Variants in PMP22 observed in about 807,000 individuals in gnomAD.
PMP22 encodes Charcot-Marie-Tooth neuropathy 1A (greatly reduced nerve conduction velocity, hereditary motor sensory neuropathy Ia).
A neutral mutation model predicts 18.9 loss-of-function variants in PMP22; 2 were observed. The observed-to-expected ratio is 0.11, with a 90% CI of 0.04 to 0.33. PMP22 has a LOEUF of 0.33. PMP22 is among the 10% of genes least tolerant of loss of function. The pLI is 1.00. For missense variants in PMP22, 169 were observed against 202.2 expected, an observed-to-expected ratio of 0.84 and a Z score of 1.00; for synonymous variants, 95 against 89.2, an observed-to-expected ratio of 1.07 and a Z score of -0.37.
intron 3 of PMP22, among the ~76,000 whole-genome samples, chr17:15,245,969 C>T (rs1043177344): frequency 4.7e-4 from 71 of 150,890 alleles, no homozygotes; most frequent in African/African-American, 1.7e-3. Context: ...GCCGAGATCG[C>T]GCCACTGCGC....
intron 4 of PMP22, among the ~76,000 whole-genome samples, chr17:15,237,775 A>AT (rs1419528152): frequency 6.6e-6 from 1 of 152,150 alleles, no homozygotes; most frequent in Non-Finnish European, 1.5e-5. Flanking sequence ...ATAAAATGTA[A>AT]TTTTTTTCAC....
intron 3 of PMP22, among the ~76,000 whole-genome samples, chr17:15,246,828 T>C (rs1484981219): frequency 4.6e-5 from 7 of 152,098 alleles, no homozygotes; most frequent in Admixed American, 3.9e-4. Context: ...TCCCAGCACT[T>C]TGGGAGGCCA....
At chr17:15,238,352 C>T (rs1906986153) in intron 4 of PMP22, among the ~76,000 whole-genome samples, 1 of 152,162 alleles carries the variant, frequency 6.6e-6, no homozygotes, top group South Asian at 2.1e-4. Context: ...CCCATACAAC[C>T]CTATTTACGT....
chr17:15,257,089 G>A (rs1230242354), intron 3 of PMP22, among the ~76,000 whole-genome samples: 5 of 152,164 alleles, frequency 3.3e-5, no homozygotes, highest in East Asian at 1.9e-4. Context: ...GGAAAGCAAC[G>A]AGGCAGATTT....
Position 15,258,850 on chromosome 17 carries a change from C to A in PMP22, c.178+244G>T. The A allele has an allele frequency of 1.8e-6, 1 of 564,460 alleles. No individual in the cohort carries two copies. The allele number at this position is 564,460 out of a possible 1,614,324, so 35.0% of individuals were successfully genotyped here. A position where few individuals can be genotyped will look rare whatever the true frequency, so the allele number is the denominator to read the frequency against. On this transcript the variant is annotated intron_variant, in intron 3 of 4. Transcript: ENST00000312280. The surrounding 1 kb of genome is among the most constrained non-coding windows in gnomAD (Gnocchi z 4.1). ...CACAAAAAGCATTATCCTAAGTGAT[C>A]AGGAGGGCACTAAGGGCATGTCTCT...
At chr17:15,234,770 C>T (rs995952277) in intron 4 of PMP22, among the ~76,000 whole-genome samples, 1 of 151,678 alleles carries the variant, frequency 6.6e-6, no homozygotes, top group Non-Finnish European at 1.5e-5. Flanking sequence ...TCACTCTGAA[C>T]AGGATGGCAC....
At chr17:15,263,551 G>A (rs1909505711) in intron 1 of PMP22, among the ~76,000 whole-genome samples, 1 of 149,476 alleles carries the variant, frequency 6.7e-6, no homozygotes. Context: ...AAAGGTTTCT[G>A]CCTGAAAATG....
At chr17:15,262,144 G>T (rs886232610) in intron 1 of PMP22, among the ~76,000 whole-genome samples, 1 of 152,188 alleles carries the variant, frequency 6.6e-6, no homozygotes. Context: ...CAGAGTCAAC[G>T]CCTCTTCAGC....
chr17:15,247,238 G>A (rs868182812), intron 3 of PMP22, among the ~76,000 whole-genome samples: 8 of 151,726 alleles, frequency 5.3e-5, no homozygotes, highest in South Asian at 4.2e-4. Context: ...GCGTGGTGGC[G>A]GGCACCTGTA....
intron 3 of PMP22, among the ~76,000 whole-genome samples, chr17:15,240,528 C>G (rs1907234103): frequency 6.6e-6 from 1 of 151,754 alleles, no homozygotes; most frequent in African/African-American, 2.4e-5. Flanking sequence ...CTGTTGAACC[C>G]CAAATCTCCA....
chr17:15,234,709 G>A (rs16951239), intron 4 of PMP22, among the ~76,000 whole-genome samples: 27,657 of 151,988 alleles, frequency 0.18, 4,319 homozygotes, highest in African/African-American at 0.42. Flanking sequence ...ATAATCATCC[G>A]TCCCTAACAA....
intron 3 of PMP22, among the ~76,000 whole-genome samples, chr17:15,251,333 TG>T (rs1302103645): frequency 6.6e-6 from 1 of 152,120 alleles, no homozygotes; most frequent in Non-Finnish European, 1.5e-5. Context: ...GCATGTATTG[TG>T]TATTGCCTGT....
chr17:15,260,891 C>A (rs1444380969), intron 1 of PMP22, 130 bp from the exon 2 acceptor site: 12 of 640,288 alleles, frequency 1.9e-5, no homozygotes, highest in Non-Finnish European at 2.7e-5. Flanking sequence ...ACCGCCCGCG[C>A]GGGTCAGGAG....
At position 15,261,981 on chromosome 17, in the gene PMP22, A is replaced by T; in HGVS notation, c.-34-1220T>A. On this transcript the variant is annotated intron_variant, in intron 1 of 4. Transcript: ENST00000312280. The surrounding 1 kb of genome is among the most constrained non-coding windows in gnomAD (Gnocchi z 5.2). ...CTCCACAAGCATCACATTCAAAGAA[A>T]CTCTGGAATGCACTGGAAGAAATAA... is the stretch of plus-strand genomic sequence containing the variant. 6.6e-6 allele frequency: 1 copy of T among 152,142 alleles called. No homozygotes were observed. Among genetic ancestry groups the T allele is most frequent in the East Asian group, 1.9e-4 (1 of 5,188 alleles). 9.4% of individuals were successfully genotyped at this position (152,142 alleles called of 1,614,324 possible).
intron 3 of PMP22, among the ~76,000 whole-genome samples, chr17:15,240,872 G>A (rs1907261355): frequency 1.3e-5 from 2 of 152,156 alleles, no homozygotes; most frequent in East Asian, 3.8e-4. Flanking sequence ...AAATCTGGAT[G>A]GTTTATAATT....
chr17:15,246,297 T>C (rs1237391106), intron 3 of PMP22, among the ~76,000 whole-genome samples: 1 of 152,204 alleles, frequency 6.6e-6, no homozygotes, highest in African/African-American at 2.4e-5. Context: ...AAATCAGCCA[T>C]AGCCATGGAC....
chr17:15,235,134 T>G (rs944263401), intron 4 of PMP22: 71 of 695,120 alleles, frequency 1.0e-4, no homozygotes, highest in Admixed American at 6.2e-4. Flanking sequence ...TCCTTTTATT[T>G]TAAATGCTCT....
chr17:15,263,829 C>G (rs971866027), intron 1 of PMP22, among the ~76,000 whole-genome samples: 9 of 152,080 alleles, frequency 5.9e-5, no homozygotes, highest in Non-Finnish European at 1.3e-4. Flanking sequence ...ATTTACAGTG[C>G]CCGTTATATG....
chr17:15,263,047 C>A (rs1415785553), intron 1 of PMP22, among the ~76,000 whole-genome samples: 1 of 152,192 alleles, frequency 6.6e-6, no homozygotes. Flanking sequence ...CCTGTCCTGG[C>A]GTCTTAGCCG....
Sources: allele counts gnomAD v4.1 joint callset (sites outside exome capture counted in the v4.1 genomes callset), GRCh38; gene constraint gnomAD v4.1.1; non-coding constraint Gnocchi (gnomAD v3.1); transcripts MANE v1.5; gene names NCBI Gene and HGNC (gene_info 2026-07-23, HGNC 2026-07-21).